Variants in PHC3 observed in about 807,000 individuals in gnomAD.
PHC3 encodes polyhomeotic-like protein 3.
In PHC3, 13 loss-of-function variants were observed where a neutral mutation model predicts 107.4. The ratio of observed to expected loss-of-function variants is 0.12; its 90% CI spans 0.08 to 0.19. The LOEUF is 0.19. PHC3 is among the 10% of genes least tolerant of loss of function. The pLI is 1.00. For synonymous variants in PHC3, 456 were observed against 427.4 expected (o/e 1.07, Z -0.83); for missense variants, 992 against 1,210.9 (o/e 0.82, Z 2.68).
At chr3:170,135,707 G>A (rs965711657) in intron 7 of PHC3, among the ~76,000 whole-genome samples, 1 of 151,944 alleles carries the variant, frequency 6.6e-6, no homozygotes, top group Admixed American at 6.6e-5. Context: ...AACAACAGGG[G>A]CAAATGGTGC....
At chr3:170,149,887 A>G (rs1725623900) in intron 4 of PHC3, 1 of 152,220 alleles carries the variant, frequency 6.6e-6, no homozygotes, top group South Asian at 2.1e-4. Flanking sequence ...GGAACAATAC[A>G]GAGAAGATTA....
intron 4 of PHC3, among the ~76,000 whole-genome samples, chr3:170,163,661 A>C (rs1728267348): frequency 6.6e-6 from 1 of 152,016 alleles, no homozygotes; most frequent in Non-Finnish European, 1.5e-5. Flanking sequence ...TCAGGAGTTC[A>C]AGACCAGCCT....
At chr3:170,124,811 T>C (rs1187007320) in intron 8 of PHC3, among the ~76,000 whole-genome samples, 2 of 152,206 alleles carry the variant, frequency 1.3e-5, no homozygotes, top group Non-Finnish European at 2.9e-5. Context: ...TCAGGATTTC[T>C]GAAACCAGCA....
chr3:170,144,560 G>GT (rs1016158277), intron 6 of PHC3, among the ~76,000 whole-genome samples: 10 of 152,112 alleles, frequency 6.6e-5, no homozygotes, highest in Non-Finnish European at 1.0e-4. Context: ...CTGTAAAACT[G>GT]TTTTTCAACA....
At position 170,128,751 on chromosome 3, in the gene PHC3, A is replaced by T. The variant is rs1368978148; in HGVS notation, c.1721T>A (p.Leu574His). The change falls in exon 8 of 15, where the codon CTT becomes CAT. Residue 574 changes from leucine (L) to histidine (H), a missense_variant. Around this residue, in one of 6 missense-constraint regions of PHC3, gnomAD observed 543 missense variants for 590.8 expected, o/e 0.92. Coordinates refer to ENST00000495893, the MANE Select transcript of PHC3 (RefSeq NM_024947.4). ...EALVQLPFQT[L>H]PPPQTVAVNL... ...TACCGCAACAGTCTGTGGAGGAGGA[A>T]GAGTCTGAAATGGCAACTGGACCAA... 3.7e-6 allele frequency: 6 copies of T among 1,613,904 alleles called. No homozygotes were observed.
At chr3:170,132,414 T>C (rs1313366265) in intron 7 of PHC3, among the ~76,000 whole-genome samples, 2 of 152,352 alleles carry the variant, frequency 1.3e-5, no homozygotes, top group East Asian at 3.9e-4. Context: ...TGAATGTTTG[T>C]GGCACAAAAT....
At chr3:170,158,783 C>G (rs968257165) in intron 4 of PHC3, among the ~76,000 whole-genome samples, 4 of 151,460 alleles carry the variant, frequency 2.6e-5, no homozygotes, top group Admixed American at 1.3e-4. Context: ...AAAAATTAGT[C>G]AGGTGTGGTG....
intron 4 of PHC3, chr3:170,150,706 C>T: frequency 2.3e-6 from 1 of 425,688 alleles, no homozygotes; most frequent in Non-Finnish European, 4.7e-6. Flanking sequence ...GAGCGACACT[C>T]CATCTAAAAA....
At chr3:170,181,093 A>G (rs1025862244) in intron 1 of PHC3, among the ~76,000 whole-genome samples, 1 of 152,150 alleles carries the variant, frequency 6.6e-6, no homozygotes, top group Non-Finnish European at 1.5e-5. Context: ...CGCTGCACCC[A>G]GAGAATCGAG....
intron 7 of PHC3, among the ~76,000 whole-genome samples, chr3:170,131,118 A>G (rs980493994): frequency 2.6e-4 from 39 of 148,780 alleles, no homozygotes; most frequent in Admixed American, 2.2e-3. Context: ...AGGCGTTTGG[A>G]AAGTTCAATA....
chr3:170,178,677 AC>A (rs1468543215), intron 2 of PHC3, 95 bp downstream of exon 2: 1 of 1,333,668 alleles, frequency 7.5e-7, no homozygotes, highest in African/African-American at 1.4e-5. Flanking sequence ...TTCTAACTGT[AC>A]ATTTGAGAAT....
chr3:170,133,650 ATT>A (rs1366349392), intron 7 of PHC3, among the ~76,000 whole-genome samples: 2 of 152,180 alleles, frequency 1.3e-5, no homozygotes, highest in African/African-American at 4.8e-5. Flanking sequence ...ATCAAGGAAA[ATT>A]GGAGTATATG....
At chr3:170,128,259 A>C in intron 8 of PHC3, 1 of 848,242 alleles carries the variant, frequency 1.2e-6, no homozygotes, top group South Asian at 2.2e-5. Context: ...AGGATGCATA[A>C]AACTAAAAGG....
In PHC3 at chr3:170,129,557, G is replaced by GAAAAA; in HGVS notation, c.920-6_920-5insTTTTT. ...GCTGAATTGGAGAATATGAAGCTGT[G>GAAAAA]AGAGAAAAAAATGACAATTAGTACT... On this transcript the variant is annotated splice_polypyrimidine_tract_variant and splice_region_variant and intron_variant, in intron 7 of 14. Coordinates refer to ENST00000495893, the MANE Select transcript of PHC3 (RefSeq NM_024947.4). The GAAAAA allele has an allele frequency of 6.2e-7, 1 of 1,600,610 alleles. No individual in the cohort carries two copies. Among genetic ancestry groups the GAAAAA allele is most frequent in the Admixed American group, 1.7e-5 (1 of 57,214 alleles).
At chr3:170,152,653 T>C (rs1471357976) in intron 4 of PHC3, among the ~76,000 whole-genome samples, 1 of 151,738 alleles carries the variant, frequency 6.6e-6, no homozygotes, top group Non-Finnish European at 1.5e-5. Context: ...TGCTCTGTCT[T>C]TGACACTTTT....
Position 170,120,004 on chromosome 3 carries a change from C to T in PHC3, c.1943-2528G>A, listed in dbSNP as rs79605250. 2.7e-3 allele frequency among the ~76,000 whole-genome samples: 405 copies of T among 152,234 alleles called. 1 individual carries two copies. Among genetic ancestry groups the T allele is most frequent in the Middle Eastern group, 0.01 (3 of 294 alleles). On this transcript the variant is annotated intron_variant, in intron 9 of 14. Transcript: ENST00000495893. ...CATTCCTGAGGAAAACATGGAAAGA[C>T]GTTCTTGTGTTCCAATATTTCAGAA...
rs1714382286 is a variant in PHC3, at chr3:170,093,995, C to G, written c.*3235G>C. ...CAAGGATGATGGCCTCCTCCTCTGA[C>G]TCTTCCCATGCTCAAGCTTTTGCAT... On this transcript the variant is annotated 3_prime_UTR_variant, in exon 15 of 15. Coordinates refer to ENST00000495893, the MANE Select transcript of PHC3 (RefSeq NM_024947.4). 6.6e-6 allele frequency: 1 copy of G among 152,222 alleles called. No individual in the cohort carries two copies. Among genetic ancestry groups the G allele is most frequent in the Admixed American group, 6.5e-5 (1 of 15,270 alleles). The allele number at this position is 152,222 out of a possible 1,614,324, so 9.4% of individuals were successfully genotyped here.
intron 5 of PHC3, among the ~76,000 whole-genome samples, chr3:170,147,090 G>C (rs1231018109): frequency 6.6e-6 from 1 of 150,982 alleles, no homozygotes; most frequent in Non-Finnish European, 1.5e-5. Context: ...GGCTGGTTTT[G>C]AACTCCCAAC....
chr3:170,150,200 T>A (rs1426120219), intron 4 of PHC3, among the ~76,000 whole-genome samples: 2 of 151,602 alleles, frequency 1.3e-5, no homozygotes, highest in East Asian at 3.9e-4. Flanking sequence ...TTCTGAGGAG[T>A]TTGTGAACAA....
Sources: gnomAD v4.1 joint callset for allele counts (sites outside exome capture counted in the v4.1 genomes callset) on GRCh38, gnomAD v4.1.1 for gene constraint, gnomAD v4.1.1 regional missense constraint, MANE v1.5 for transcripts, NCBI Gene and HGNC (gene_info 2026-07-23, HGNC 2026-07-21) for gene names.